The following CAST variants were observed in gnomAD, a reference collection of about 807,000 sequenced individuals.
CAST encodes MIR583 host.
Under a neutral mutation model 119.6 loss-of-function variants are expected in CAST, and 76 were observed. That is an observed-to-expected ratio of 0.64 (90% CI 0.53 to 0.77). CAST has a LOEUF of 0.77. Among genes scored for constraint, CAST ranks in the 30% least tolerant of loss-of-function variants. CAST has a pLI of 0.00. For missense variants in CAST, 953 were observed against 946.5 expected (o/e 1.01, Z -0.09); for synonymous variants, 319 against 331.6 (o/e 0.96, Z 0.41).
At chr5:96,171,150 C>T in the CAST span, among the ~76,000 whole-genome samples, 2 of 152,126 alleles carry the variant, frequency 1.3e-5, no homozygotes, top group Non-Finnish European at 2.9e-5. Flanking sequence ...CGTCAGGCAC[C>T]TTAGCCCGTT....
the CAST span, among the ~76,000 whole-genome samples, chr5:96,012,453 G>A: frequency 5.3e-5 from 8 of 151,762 alleles, no homozygotes; most frequent in African/African-American, 1.7e-4. Flanking sequence ...TAATTTATCT[G>A]AGCCTCAGTT....
At chr5:96,255,728 G>T in the CAST span, among the ~76,000 whole-genome samples, 2 of 152,070 alleles carry the variant, frequency 1.3e-5, no homozygotes, top group Non-Finnish European at 2.9e-5. Context: ...TTACAGAAAA[G>T]GGCCTGGTCT....
the CAST span, among the ~76,000 whole-genome samples, chr5:96,003,230 A>G: frequency 3.3e-5 from 5 of 151,556 alleles, no homozygotes; most frequent in African/African-American, 1.2e-4. Flanking sequence ...ACAGAGCAAG[A>G]TTCTGTCTCT....
chr5:96,322,295 C>G, the CAST span, among the ~76,000 whole-genome samples: 1 of 152,052 alleles, frequency 6.6e-6, no homozygotes, highest in African/African-American at 2.4e-5. Flanking sequence ...GAGGCTGGTA[C>G]GCTGTGTAAG....
the CAST span, among the ~76,000 whole-genome samples, chr5:96,270,971 A>G: frequency 6.6e-6 from 1 of 151,926 alleles, no homozygotes; most frequent in Non-Finnish European, 1.5e-5. Flanking sequence ...AAAAGCAGTA[A>G]CATTTTATAC....
chr5:96,045,204 T>A, the CAST span, among the ~76,000 whole-genome samples: 1 of 151,988 alleles, frequency 6.6e-6, no homozygotes, highest in Non-Finnish European at 1.5e-5. Context: ...AAGACAAAAA[T>A]TTGCTGGGCA....
intron 11 of CAST, among the ~76,000 whole-genome samples, chr5:96,738,572 G>A (rs368824444): frequency 6.6e-6 from 1 of 151,880 alleles, no homozygotes; most frequent in Admixed American, 6.6e-5. Context: ...TTGATTTCTC[G>A]ATATTTACCA....
chr5:96,239,008 T>C, the CAST span, among the ~76,000 whole-genome samples: 1 of 152,154 alleles, frequency 6.6e-6, no homozygotes, highest in Non-Finnish European at 1.5e-5. Context: ...TCCTTTCAGA[T>C]TGGTTGTGTT....
upstream of CAST, among the ~76,000 whole-genome samples, chr5:96,528,427 C>G (rs75289844): frequency 1.1e-3 from 171 of 152,276 alleles, 4 homozygotes; most frequent in East Asian, 0.031. Context: ...GCCCCTCCTA[C>G]TTGCATTTAC....
chr5:96,557,994 T>G (rs1287601263), intron 1 of CAST, among the ~76,000 whole-genome samples: 1 of 152,152 alleles, frequency 6.6e-6, no homozygotes, highest in Admixed American at 6.5e-5. Context: ...ACAGAAATTA[T>G]AACAAACTGT....
At chr5:96,758,959 C>G (rs901009177) in intron 24 of CAST, among the ~76,000 whole-genome samples, 1 of 152,118 alleles carries the variant, frequency 6.6e-6, no homozygotes, top group Non-Finnish European at 1.5e-5. Context: ...CCTTCCTCCT[C>G]CTATCATTAT....
At chr5:96,349,087 T>A in the CAST span, among the ~76,000 whole-genome samples, 1 of 148,014 alleles carries the variant, frequency 6.8e-6, no homozygotes, top group African/African-American at 2.5e-5. Context: ...TATTCTATAA[T>A]TTTTTTTTTC....
chr5:96,186,760 G>A, the CAST span, among the ~76,000 whole-genome samples: 2 of 152,164 alleles, frequency 1.3e-5, no homozygotes, highest in East Asian at 1.9e-4. Flanking sequence ...GCCAGTATTC[G>A]TTGACGATTT....
chr5:96,167,234 T>C, the CAST span, among the ~76,000 whole-genome samples: 1 of 152,214 alleles, frequency 6.6e-6, no homozygotes, highest in Non-Finnish European at 1.5e-5. Flanking sequence ...TTAAGAGTGC[T>C]GGTTTGGGGA....
the CAST span, among the ~76,000 whole-genome samples, chr5:96,256,306 A>G: frequency 6.7e-6 from 1 of 148,208 alleles, no homozygotes; most frequent in African/African-American, 2.4e-5. Flanking sequence ...TTTATACAGT[A>G]TATTTGTGTG....
At chr5:96,114,503 G>T in the CAST span, among the ~76,000 whole-genome samples, 2 of 152,286 alleles carry the variant, frequency 1.3e-5, no homozygotes, top group East Asian at 3.9e-4. Flanking sequence ...TACTAAAAAG[G>T]AGTGTTTACG....
intron 1 of CAST, among the ~76,000 whole-genome samples, chr5:96,616,751 T>TACACACAC (rs1260243045): frequency 9.3e-5 from 11 of 118,436 alleles, no homozygotes; most frequent in Non-Finnish European, 1.7e-4. Flanking sequence ...TCTCTATATA[T>TACACACAC]ATACACACAC....
the CAST span, among the ~76,000 whole-genome samples, chr5:96,371,382 C>T: frequency 3.9e-5 from 6 of 152,228 alleles, no homozygotes; most frequent in Non-Finnish European, 8.8e-5. Flanking sequence ...GAGACCTCTA[C>T]TTGAATCGCT....
chr5:96,029,326 A>C, the CAST span, among the ~76,000 whole-genome samples: 2 of 152,144 alleles, frequency 1.3e-5, no homozygotes, highest in Non-Finnish European at 2.9e-5. Context: ...TAATATTAGC[A>C]AAAGCTTAGA....
Sources: gnomAD v4.1 joint callset for allele counts (sites outside exome capture counted in the v4.1 genomes callset) on GRCh38, gnomAD v4.1.1 for gene constraint, MANE v1.5 for transcripts, NCBI Gene and HGNC (gene_info 2026-07-23, HGNC 2026-07-21) for gene names.